Variants in AGBL4 observed in about 807,000 individuals in gnomAD.
AGBL4 encodes the protein AGBL carboxypeptidase 4.
AGBL4 carries 58 observed loss-of-function variants against 66.4 expected under a neutral mutation model. That is an observed-to-expected ratio of 0.87 (90% CI 0.71 to 1.09). The LOEUF (loss-of-function observed/expected upper bound fraction) is 1.09, where lower values mean the gene tolerates loss of function less well. AGBL4 is among the 50% of genes least tolerant of loss of function. The pLI is 0.00. For synonymous variants in AGBL4, 234 were observed against 222.9 expected (o/e 1.05, Z -0.44); for missense variants, 579 against 631.0 (o/e 0.92, Z 0.88).
intron 7 of AGBL4, among the ~76,000 whole-genome samples, chr1:48,653,727 C>T (rs967443555): frequency 5.3e-5 from 8 of 152,102 alleles, no homozygotes; most frequent in Admixed American, 1.3e-4. Context: ...GGAGGGCTTC[C>T]GAGAATGATG....
chr1:48,546,304 G>C (rs1644158405), intron 11 of AGBL4, among the ~76,000 whole-genome samples: 1 of 152,192 alleles, frequency 6.6e-6, no homozygotes, highest in African/African-American at 2.4e-5. Flanking sequence ...AACAGCGTGC[G>C]TATGTTGTTT....
intron 3 of AGBL4, among the ~76,000 whole-genome samples, chr1:49,454,435 G>A (rs1646345241): frequency 6.6e-6 from 1 of 151,670 alleles, no homozygotes; most frequent in African/African-American, 2.4e-5. Context: ...ACCAGGCAGA[G>A]GCTGGGCAAT....
At chr1:48,996,848 TTCCTTCC>T (rs1480740488) in intron 5 of AGBL4, among the ~76,000 whole-genome samples, 8 of 152,076 alleles carry the variant, frequency 5.3e-5, no homozygotes, top group African/African-American at 7.2e-5. Context: ...CCTTCCTTCC[TTCCTTCC>T]TGTCTACTTA....
intron 6 of AGBL4, among the ~76,000 whole-genome samples, chr1:48,729,305 C>T (rs2148549155): frequency 6.6e-6 from 1 of 152,196 alleles, no homozygotes. Flanking sequence ...AATGCTTTTC[C>T]AGGGATACCT....
At chr1:49,873,123 C>T (rs1646879668) in intron 1 of AGBL4, among the ~76,000 whole-genome samples, 1 of 151,934 alleles carries the variant, frequency 6.6e-6, no homozygotes, top group Non-Finnish European at 1.5e-5. Context: ...TTCATACCTG[C>T]CTACTGATGT....
chr1:49,634,452 C>A (rs539900808), intron 3 of AGBL4, among the ~76,000 whole-genome samples: 3 of 152,226 alleles, frequency 2.0e-5, no homozygotes, highest in Non-Finnish European at 4.4e-5. Flanking sequence ...TCTTCTTTAT[C>A]CAGTCTATCA....
At chr1:49,621,289 C>T (rs1045925375) in intron 3 of AGBL4, among the ~76,000 whole-genome samples, 9 of 152,176 alleles carry the variant, frequency 5.9e-5, no homozygotes, top group South Asian at 2.1e-4. Context: ...TAACTTGATG[C>T]GTCCACACTA....
chr1:49,200,840 A>C (rs1004438522), intron 4 of AGBL4, among the ~76,000 whole-genome samples: 1 of 152,174 alleles, frequency 6.6e-6, no homozygotes, highest in Admixed American at 6.5e-5. Flanking sequence ...TTAAATCATT[A>C]GCCATTGGTG....
intron 5 of AGBL4, among the ~76,000 whole-genome samples, chr1:48,882,927 C>T (rs937867467): frequency 1.3e-5 from 2 of 152,188 alleles, no homozygotes; most frequent in African/African-American, 4.8e-5. Flanking sequence ...TTTATCTATG[C>T]TGTCACAAAA....
chr1:49,782,216 T>C (rs1644353460), intron 2 of AGBL4, among the ~76,000 whole-genome samples: 1 of 151,938 alleles, frequency 6.6e-6, no homozygotes, highest in Non-Finnish European at 1.5e-5. Flanking sequence ...CCAAAAACTT[T>C]AGCTAGAATG....
At chr1:49,579,232 G>T (rs1349100126) in intron 3 of AGBL4, among the ~76,000 whole-genome samples, 1 of 152,066 alleles carries the variant, frequency 6.6e-6, no homozygotes, top group East Asian at 1.9e-4. Flanking sequence ...TAAATATCAA[G>T]AATATATATA....
intron 1 of AGBL4, among the ~76,000 whole-genome samples, chr1:49,992,162 G>C (rs905781974): frequency 6.6e-6 from 1 of 152,028 alleles, no homozygotes; most frequent in Non-Finnish European, 1.5e-5. Context: ...ACGAGGTCAG[G>C]AGATCGAGAC....
At chr1:49,329,293 GGA>G (rs1645283778) in intron 3 of AGBL4, among the ~76,000 whole-genome samples, 1 of 151,810 alleles carries the variant, frequency 6.6e-6, no homozygotes, top group African/African-American at 2.4e-5. Context: ...GGTGACAGAG[GGA>G]GATTCCGTCT....
At chr1:49,913,562 G>A (rs1020860649) in intron 1 of AGBL4, among the ~76,000 whole-genome samples, 3 of 152,212 alleles carry the variant, frequency 2.0e-5, no homozygotes, top group African/African-American at 7.2e-5. Context: ...TCATGCTTGA[G>A]TTGGATGCTG....
intron 6 of AGBL4, among the ~76,000 whole-genome samples, chr1:48,682,252 G>T (rs1319953113): frequency 6.6e-6 from 1 of 152,208 alleles, no homozygotes; most frequent in Non-Finnish European, 1.5e-5. Context: ...GTGTGTATTT[G>T]TTATGCAGAC....
chr1:48,718,917 C>A (rs1174059656), intron 6 of AGBL4, among the ~76,000 whole-genome samples: 9 of 152,212 alleles, frequency 5.9e-5, no homozygotes, highest in Non-Finnish European at 1.0e-4. Flanking sequence ...GCTCCGACTA[C>A]ATACCTGCCG....
intron 5 of AGBL4, among the ~76,000 whole-genome samples, chr1:48,904,935 C>T (rs1056863317): frequency 3.3e-5 from 5 of 151,818 alleles, no homozygotes; most frequent in African/African-American, 1.2e-4. Context: ...GTACAGTCTG[C>T]AGTTGCAAGG....
In AGBL4 at chr1:49,371,858, T is replaced by A. The variant is rs979232191; in HGVS notation, c.283-125994A>T. Among the ~76,000 whole-genome samples, 12 of 149,984 alleles carry A rather than the reference T, an allele frequency of 8.0e-5. No homozygotes were observed. In the East Asian group the frequency reaches 2.4e-3, roughly 30 times the overall value. On this transcript the variant is annotated intron_variant, in intron 3 of 13. Coordinates refer to ENST00000371839, the MANE Select transcript of AGBL4 (RefSeq NM_032785.4). ...GTGTGTGTGTGTGTGTGTGTGTGTGTGTGTGTGTGTTTAAATAGACACCTC... is the reference window on the plus strand; with the variant it reads ...GTGTGTGTGTGTGTGTGTGTGTGTGAGTGTGTGTGTTTAAATAGACACCTC...
At chr1:48,999,692 T>A (rs1031175377) in intron 5 of AGBL4, among the ~76,000 whole-genome samples, 1 of 151,794 alleles carries the variant, frequency 6.6e-6, no homozygotes, top group African/African-American at 2.4e-5. Flanking sequence ...TGGGTGGGAG[T>A]GCCACTCCCA....
Sources: allele counts gnomAD v4.1 joint callset (sites outside exome capture counted in the v4.1 genomes callset), GRCh38; gene constraint gnomAD v4.1.1; transcripts MANE v1.5; gene names NCBI Gene and HGNC (gene_info 2026-07-23, HGNC 2026-07-21).